The following NELL1 variants were observed in gnomAD, a reference collection of about 807,000 sequenced individuals.
The protein encoded by NELL1 is protein kinase C-binding protein NELL1.
NELL1 carries 76 observed loss-of-function variants against 107.4 expected under a neutral mutation model. The ratio of observed to expected loss-of-function variants is 0.71; its 90% CI spans 0.59 to 0.86. The LOEUF (loss-of-function observed/expected upper bound fraction) is 0.86. NELL1 is among the 40% of genes least tolerant of loss of function. The pLI, the probability that NELL1 is intolerant of heterozygous loss-of-function variation, is 0.00. For synonymous variants in NELL1, 353 were observed against 341.2 expected (o/e 1.03, Z -0.38); for missense variants, 1,024 against 1,005.5 (o/e 1.02, Z -0.25).
At chr11:21,289,516 G>T (rs903294116) in intron 14 of NELL1, among the ~76,000 whole-genome samples, 1 of 152,200 alleles carries the variant, frequency 6.6e-6, no homozygotes, top group Non-Finnish European at 1.5e-5. Flanking sequence ...TTCGCAACTT[G>T]CAGACCAGGA....
intron 12 of NELL1, among the ~76,000 whole-genome samples, chr11:20,980,562 C>A (rs1851729833): frequency 6.6e-6 from 1 of 152,180 alleles, no homozygotes; most frequent in South Asian, 2.1e-4. Context: ...TGGGAGAGCC[C>A]ATAAGTAATT....
At chr11:20,742,188 C>A (rs1054435625) in intron 2 of NELL1, among the ~76,000 whole-genome samples, 7 of 152,292 alleles carry the variant, frequency 4.6e-5, no homozygotes, top group African/African-American at 1.4e-4. Flanking sequence ...TAGGCATCAG[C>A]CAGGCTCTTG....
intron 4 of NELL1, among the ~76,000 whole-genome samples, chr11:20,851,013 C>G (rs1364564519): frequency 1.3e-5 from 2 of 152,168 alleles, no homozygotes; most frequent in Non-Finnish European, 2.9e-5. Flanking sequence ...CTAACCCACC[C>G]TCCAGGTCAC....
rs573552013 is a variant in NELL1, at chr11:21,484,223, A to C, written c.1646-50151A>C. ...TGCTGTTTTTCCTAAAACAAACAAA[A>C]AAAAATTGCTGACACAATAAATTTA... is the stretch of plus-strand genomic sequence containing the variant. On this transcript the variant is annotated intron_variant, in intron 15 of 19. Transcript: ENST00000357134. Among the ~76,000 whole-genome samples, 6 of 151,542 alleles carry C rather than the reference A, an allele frequency of 4.0e-5. No homozygotes were observed. In the East Asian group the frequency reaches 5.8e-4, roughly 15 times the overall value.
intron 11 of NELL1, among the ~76,000 whole-genome samples, chr11:20,958,023 G>T (rs1175638762): frequency 6.6e-6 from 1 of 152,148 alleles, no homozygotes; most frequent in Non-Finnish European, 1.5e-5. Context: ...AATGATGAAA[G>T]ATTTCATCAT....
intron 15 of NELL1, among the ~76,000 whole-genome samples, chr11:21,493,928 AT>A (rs1375596859): frequency 6.6e-6 from 1 of 151,614 alleles, no homozygotes; most frequent in East Asian, 1.9e-4. Flanking sequence ...ATCTATCACA[AT>A]TTACTCCTTT....
intron 15 of NELL1, among the ~76,000 whole-genome samples, chr11:21,418,386 AG>A (rs1265399080): frequency 6.6e-6 from 1 of 152,124 alleles, no homozygotes; most frequent in African/African-American, 2.4e-5. Flanking sequence ...GATTTGCCTT[AG>A]TAGTAGTAAC....
At chr11:21,390,365 A>C (rs1851841569) in intron 15 of NELL1, among the ~76,000 whole-genome samples, 1 of 131,392 alleles carries the variant, frequency 7.6e-6, no homozygotes, top group Non-Finnish European at 1.7e-5. Flanking sequence ...TATAATAACA[A>C]TGATAATAAT....
intron 11 of NELL1, among the ~76,000 whole-genome samples, chr11:20,952,202 T>A (rs1329545377): frequency 2.0e-5 from 3 of 152,192 alleles, no homozygotes; most frequent in Non-Finnish European, 4.4e-5. Context: ...GTATCTTTAA[T>A]GTTGCCAATG....
Position 21,361,259 on chromosome 11 carries a change from ATTTTTT to A in NELL1, c.1550-9572_1550-9567del, listed in dbSNP as rs59239329. On this transcript the variant is annotated intron_variant, in intron 14 of 19. Transcript: ENST00000357134. ...CTAGATACAAATTCCTTGTGTGACA[ATTTTTT>A]TTTTTTTTTTTTTTTTTTTTTAGTT... 7.2e-3 allele frequency among the ~76,000 whole-genome samples: 817 copies of A among 113,576 alleles called. 4 individuals carry two copies. The highest frequency in any genetic ancestry group is 0.015 in the African/African-American group (446 of 29,588). 74.5% of individuals were successfully genotyped at this position (113,576 alleles called of 152,430 possible).
At chr11:20,876,008 C>T (rs530504458) in intron 4 of NELL1, among the ~76,000 whole-genome samples, 30 of 152,206 alleles carry the variant, frequency 2.0e-4, no homozygotes, top group Non-Finnish European at 3.7e-4. Context: ...CAAACCCCCT[C>T]CCACAGTGTT....
intron 2 of NELL1, among the ~76,000 whole-genome samples, chr11:20,741,768 C>T (rs1305698055): frequency 6.6e-6 from 1 of 152,210 alleles, no homozygotes; most frequent in East Asian, 1.9e-4. Flanking sequence ...AATTCTGGGA[C>T]CGTGTTTCCA....
At chr11:20,986,062 T>G (rs1851846989) in intron 12 of NELL1, among the ~76,000 whole-genome samples, 1 of 152,202 alleles carries the variant, frequency 6.6e-6, no homozygotes, top group Admixed American at 6.5e-5. Context: ...AGTTTGTTTT[T>G]TTTTGGCTCA....
intron 13 of NELL1, among the ~76,000 whole-genome samples, chr11:21,182,601 G>T (rs1405064395): frequency 6.6e-6 from 1 of 151,776 alleles, no homozygotes; most frequent in Non-Finnish European, 1.5e-5. Flanking sequence ...AGTTATCACA[G>T]AAGTAGACTT....
chr11:21,483,880 C>CAT lies in NELL1; in HGVS notation c.1646-50493_1646-50492insTA, dbSNP rs1336289818. On this transcript the variant is annotated intron_variant, in intron 15 of 19. Coordinates refer to ENST00000357134, the MANE Select transcript of NELL1 (RefSeq NM_006157.5). Reference sequence around the variant, plus strand: ...ATATACATATACAAACACACACACACACACATATATATATATATATAAAAT... The same window carrying CAT: ...ATATACATATACAAACACACACACACATACACATATATATATATATATAAAAT... 1.4e-3 allele frequency among the ~76,000 whole-genome samples: 202 copies of CAT among 141,584 alleles called. 1 individual carries two copies. The highest frequency in any genetic ancestry group is 7.5e-3 in the Middle Eastern group (2 of 268). The allele number at this position is 141,584 out of a possible 152,430, so 92.9% of individuals were successfully genotyped here.
chr11:20,835,110 T>A (rs551481752), intron 3 of NELL1, among the ~76,000 whole-genome samples: 1 of 152,330 alleles, frequency 6.6e-6, no homozygotes, highest in Non-Finnish European at 1.5e-5. Flanking sequence ...TCCCCACTCC[T>A]GAAGCACTTC....
intron 2 of NELL1, among the ~76,000 whole-genome samples, chr11:20,707,149 G>A (rs193092909): frequency 1.3e-3 from 194 of 152,222 alleles, no homozygotes; most frequent in Admixed American, 3.9e-3. Flanking sequence ...CCACTTGGTC[G>A]AATTGGCTAC....
chr11:21,319,045 A>G (rs980124733), intron 14 of NELL1, among the ~76,000 whole-genome samples: 1 of 151,976 alleles, frequency 6.6e-6, no homozygotes, highest in Non-Finnish European at 1.5e-5. Flanking sequence ...CTTCATTATT[A>G]CTTATATGCA....
At chr11:21,389,592 A>G (rs932333944) in intron 15 of NELL1, among the ~76,000 whole-genome samples, 4 of 151,820 alleles carry the variant, frequency 2.6e-5, no homozygotes, top group African/African-American at 9.7e-5. Context: ...ATAGAAAAGC[A>G]CACCAAGAGG....
Sources: allele counts gnomAD v4.1 joint callset (sites outside exome capture counted in the v4.1 genomes callset), GRCh38; gene constraint gnomAD v4.1.1; transcripts MANE v1.5; gene names NCBI Gene and HGNC (gene_info 2026-07-23, HGNC 2026-07-21).